PVT1: variants seen among roughly 807,000 people sequenced by gnomAD.
PVT1 encodes Pvt1 oncogene, also known as CXCR4/PVT1 fusion.
intron 4 of PVT1, among the ~76,000 whole-genome samples, chr8:127,994,465 G>A (rs906621404): frequency 7.2e-5 from 11 of 152,088 alleles, no homozygotes; most frequent in Non-Finnish European, 1.2e-4. Flanking sequence ...TTAACAGAGT[G>A]GATAAAAAAG....
chr8:127,855,014 G>A (rs1451157775), intron 2 of PVT1: 1 of 394,806 alleles, frequency 2.5e-6, no homozygotes, highest in Non-Finnish European at 4.5e-6. Context: ...GAGGCACAGA[G>A]TTAGAAAGCA....
At chr8:127,939,843 C>T (rs1164574371) in intron 3 of PVT1, 5 of 152,374 alleles carry the variant, frequency 3.3e-5, no homozygotes, top group Admixed American at 3.3e-4. Flanking sequence ...TCCAAAGGCA[C>T]CTGCCTGCTG....
At chr8:128,020,960 A>G (rs1817425943) in intron 4 of PVT1, among the ~76,000 whole-genome samples, 1 of 152,002 alleles carries the variant, frequency 6.6e-6, no homozygotes, top group Admixed American at 6.5e-5. Flanking sequence ...CAAACACTTC[A>G]TCTCCCCCAC....
At chr8:127,955,842 C>T (rs1816562613) in intron 3 of PVT1, among the ~76,000 whole-genome samples, 1 of 152,246 alleles carries the variant, frequency 6.6e-6, no homozygotes, top group Non-Finnish European at 1.5e-5. Flanking sequence ...GCCTCGGCCT[C>T]CCAAAGTGCT....
chr8:127,936,311 C>T (rs1470378153), intron 3 of PVT1, among the ~76,000 whole-genome samples: 1 of 152,020 alleles, frequency 6.6e-6, no homozygotes. Context: ...CTTGGCCTCC[C>T]AAAGTGCTGG....
Position 127,997,056 on chromosome 8 carries a change from TGTTTG to T in PVT1, n.912+7766_912+7770del, listed in dbSNP as rs769968022. 3.1e-4 allele frequency among the ~76,000 whole-genome samples: 41 copies of T among 130,918 alleles called. 3 individuals are homozygous for T. The highest frequency in any genetic ancestry group is 5.6e-4 in the South Asian group (2 of 3,554). The allele number at this position is 130,918 out of a possible 152,430, so 85.9% of individuals were successfully genotyped here. ...GTCATTTGCTTTCGTTTTTTTTTTT[TGTTTG>T]TTTGTTTTTTGATACAGAGTTTCAC... On this transcript the variant is annotated intron_variant and non_coding_transcript_variant, in intron 4 of 10. Transcript: ENST00000651587.
At chr8:127,915,213 C>T (rs1253327889) in intron 3 of PVT1, among the ~76,000 whole-genome samples, 1 of 152,124 alleles carries the variant, frequency 6.6e-6, no homozygotes, top group Non-Finnish European at 1.5e-5. Flanking sequence ...ATGTACTAGA[C>T]AAACGTCACT....
chr8:127,928,546 A>G (rs1427031824), intron 3 of PVT1, among the ~76,000 whole-genome samples: 1 of 152,212 alleles, frequency 6.6e-6, no homozygotes, highest in East Asian at 1.9e-4. Context: ...TTGTCCCTGA[A>G]AATTGGGACC....
At chr8:127,979,822 T>C (rs1215162052) in intron 3 of PVT1, among the ~76,000 whole-genome samples, 2 of 149,200 alleles carry the variant, frequency 1.3e-5, no homozygotes, top group South Asian at 2.1e-4. Flanking sequence ...GCCAGCACTT[T>C]AGTAACTGCT....
intron 2 of PVT1, among the ~76,000 whole-genome samples, chr8:127,816,567 G>A (rs1814663195): frequency 6.6e-6 from 1 of 151,316 alleles, no homozygotes; most frequent in African/African-American, 2.4e-5. Flanking sequence ...ACCCAGGATG[G>A]GGATGGAGTG....
intron 3 of PVT1, among the ~76,000 whole-genome samples, chr8:127,907,735 G>A (rs928048320): frequency 3.3e-5 from 5 of 152,128 alleles, no homozygotes; most frequent in Admixed American, 2.0e-4. Context: ...ATTTTTCCAC[G>A]AAATCCTCAC....
At chr8:127,855,762 A>C (rs1815153751) in intron 2 of PVT1, among the ~76,000 whole-genome samples, 1 of 152,228 alleles carries the variant, frequency 6.6e-6, no homozygotes, top group East Asian at 1.9e-4. Flanking sequence ...CCTTTGAACT[A>C]ATCACTAACC....
intron 4 of PVT1, among the ~76,000 whole-genome samples, chr8:128,059,955 T>C (rs184314067): frequency 1.1e-4 from 17 of 152,248 alleles, no homozygotes; most frequent in Admixed American, 7.2e-4. Flanking sequence ...CACTAATGTA[T>C]GGTAGAATAA....
chr8:127,959,000 G>A (rs747709430), intron 3 of PVT1, among the ~76,000 whole-genome samples: 15 of 146,822 alleles, frequency 1.0e-4, no homozygotes, highest in Non-Finnish European at 2.1e-4. Context: ...GGTGGCCTGG[G>A]TCCTCATGGT....
At chr8:128,033,264 C>T (rs909965313) in intron 4 of PVT1, among the ~76,000 whole-genome samples, 1 of 152,194 alleles carries the variant, frequency 6.6e-6, no homozygotes, top group Non-Finnish European at 1.5e-5. Flanking sequence ...GGTTGCCTAA[C>T]AGAGCAGTGG....
At chr8:128,001,943 C>G (rs1046037854) in intron 4 of PVT1, among the ~76,000 whole-genome samples, 8 of 152,124 alleles carry the variant, frequency 5.3e-5, no homozygotes, top group African/African-American at 1.7e-4. Flanking sequence ...CCTCCAAATC[C>G]CATCACCTTG....
At chr8:128,054,791 A>T (rs576056774) in intron 4 of PVT1, among the ~76,000 whole-genome samples, 14 of 152,336 alleles carry the variant, frequency 9.2e-5, no homozygotes, top group African/African-American at 3.1e-4. Context: ...GAGAAATGCC[A>T]TGTGATGGTT....
At chr8:127,821,536 T>C (rs1186833269) in intron 2 of PVT1, among the ~76,000 whole-genome samples, 1 of 152,040 alleles carries the variant, frequency 6.6e-6, no homozygotes, top group Non-Finnish European at 1.5e-5. Context: ...TACTGCCGGG[T>C]GCGGTGGCTC....
intron 3 of PVT1, among the ~76,000 whole-genome samples, chr8:127,900,102 T>G (rs1815739810): frequency 6.6e-6 from 1 of 152,116 alleles, no homozygotes; most frequent in Non-Finnish European, 1.5e-5. Flanking sequence ...AATGCAGTGG[T>G]GCAATCTCAG....
Sources: gnomAD v4.1 joint callset for allele counts (sites outside exome capture counted in the v4.1 genomes callset) on GRCh38, gnomAD v4.1.1 for gene constraint, MANE v1.5 for transcripts, NCBI Gene and HGNC (gene_info 2026-07-23, HGNC 2026-07-21) for gene names.